Variants in GALNT15 observed in about 807,000 individuals in gnomAD.
GALNT15 encodes the protein UDP-GalNAc transferase T15.
Under a neutral mutation model 66.8 loss-of-function variants are expected in GALNT15, and 67 were observed. The ratio of observed to expected loss-of-function variants is 1.00; its 90% CI spans 0.82 to 1.23. GALNT15 has a LOEUF of 1.23. Ranked by LOEUF, GALNT15 falls within the 50% of genes most tolerant of loss-of-function variation. GALNT15 has a pLI of 0.00. For synonymous variants in GALNT15, 313 were observed against 311.5 expected, an observed-to-expected ratio of 1.00 and a Z score of -0.05; for missense variants, 827 against 804.3, an observed-to-expected ratio of 1.03 and a Z score of -0.34.
At position 16,227,461 on chromosome 3, in the gene GALNT15, G is replaced by A; in HGVS notation, c.1881G>A (p.Gln627=). The A allele has an allele frequency of 3.7e-6, 6 of 1,614,184 alleles. No homozygotes were observed. Among genetic ancestry groups the A allele is most frequent in the Admixed American group, 3.3e-5 (2 of 60,008 alleles). Residue 627 remains glutamine (Q), a synonymous_variant, in exon 10 of 10, where the codon CAG becomes CAA. Coordinates refer to ENST00000339732, the MANE Select transcript of GALNT15 (RefSeq NM_054110.5). This position sits in a 1 kb window ranked among gnomAD's most constrained non-coding sequence, Gnocchi z 4.5. The part of the protein sequence containing the change: ...LRPCDGKARQ[Q]WRFDQINAVD... ...CGTGTGATGGAAAAGCCCGCCAGCA[G>A]TGGCGTTTTGACCAGATCAATGCTG...
downstream of GALNT15, among the ~76,000 whole-genome samples, chr3:16,233,428 C>T (rs767138533): frequency 2.6e-5 from 4 of 152,070 alleles, no homozygotes; most frequent in East Asian, 5.8e-4. Context: ...TAATAACAAC[C>T]GTTGTTAATT....
chr3:16,226,782 A>G (rs1178730875), intron 9 of GALNT15, among the ~76,000 whole-genome samples: 1 of 152,252 alleles, frequency 6.6e-6, no homozygotes, highest in Non-Finnish European at 1.5e-5. Context: ...TTGCTGGTTA[A>G]GGTTGTTCAA....
Position 16,227,413 on chromosome 3 carries a change from C to A in GALNT15, c.1833C>A (p.Asn611Lys), listed in dbSNP as rs545197381. ...GKCMEAVVQE[N>K]NKDLYLRPCD... ...GCATGGAAGCTGTGGTGCAAGAAAA[C>A]AATAAAGATTTGTACCTGCGTCCGT... The change falls in exon 10 of 10, where the codon AAC becomes AAA. Residue 611 changes from asparagine (N) to lysine (K), a missense_variant. By Grantham distance (94) the Asn-to-Lys change is moderately conservative (BLOSUM62 0). Coordinates refer to ENST00000339732, the MANE Select transcript of GALNT15 (RefSeq NM_054110.5). The surrounding 1 kb of genome is among the most constrained non-coding windows in gnomAD (Gnocchi z 4.5). 6 of 1,613,972 alleles carry A rather than the reference C, an allele frequency of 3.7e-6. No individual in the cohort carries two copies. In the African/African-American group the frequency reaches 6.7e-5, roughly 18 times the overall value.
chr3:16,240,937 C>T, the GALNT15 span, among the ~76,000 whole-genome samples: 2 of 152,134 alleles, frequency 1.3e-5, no homozygotes, highest in East Asian at 1.9e-4. Flanking sequence ...TTGTAGTTCC[C>T]AATACAACAC....
At chr3:16,212,957 G>T (rs1190941187) in intron 6 of GALNT15, among the ~76,000 whole-genome samples, 194 bp downstream of exon 6, 1 of 152,128 alleles carries the variant, frequency 6.6e-6, no homozygotes, top group Non-Finnish European at 1.5e-5. Context: ...TTCTCCATGG[G>T]ACAGCACAGC....
In GALNT15 at chr3:16,211,078, G is replaced by GC. The variant is rs751564880; in HGVS notation, c.1080-45dup. 3 of 1,427,460 alleles carry GC rather than the reference G, an allele frequency of 2.1e-6. No homozygotes were observed. 88.4% of individuals were successfully genotyped at this position (1,427,460 alleles called of 1,614,324 possible). Reference sequence around the variant, plus strand: ...CCCAGCCCCCAGCCTCGCCTGCTGTGCTCTGGGTTCTGAACTGCAGTGTCC... The same window carrying GC: ...CCCAGCCCCCAGCCTCGCCTGCTGTGCCTCTGGGTTCTGAACTGCAGTGTCC... On this transcript the variant is annotated intron_variant, in intron 4 of 9. Transcript: ENST00000339732. The surrounding 1 kb of genome is among the most constrained non-coding windows in gnomAD (Gnocchi z 4.3).
downstream of GALNT15, among the ~76,000 whole-genome samples, chr3:16,234,958 C>T (rs968017343): frequency 4.0e-5 from 6 of 149,860 alleles, no homozygotes; most frequent in East Asian, 3.9e-4. Context: ...AGTCTCACTC[C>T]GTTGCCCAGG....
intron 3 of GALNT15, among the ~76,000 whole-genome samples, chr3:16,207,898 G>C (rs938395114): frequency 1.3e-5 from 2 of 152,176 alleles, no homozygotes; most frequent in South Asian, 2.1e-4. Flanking sequence ...GCTGAGAAAG[G>C]CCTTTGTGGG....
chr3:16,228,206 A>C lies in GALNT15; in HGVS notation c.*706A>C. On this transcript the variant is annotated 3_prime_UTR_variant, in exon 10 of 10. Coordinates refer to ENST00000339732, the MANE Select transcript of GALNT15 (RefSeq NM_054110.5). ...TCCTTCCTACTGAGAATCTACCTCT[A>C]TTCCCCCTGCCCTAGCTCTTCTCTA... is the stretch of plus-strand genomic sequence containing the variant. 1.0e-5 allele frequency: 10 copies of C among 985,954 alleles called. No homozygotes were observed. Among genetic ancestry groups the C allele is most frequent in the Non-Finnish European group, 1.2e-5 (10 of 830,004 alleles). The allele number at this position is 985,954 out of a possible 1,614,324, so 61.1% of individuals were successfully genotyped here.
intron 6 of GALNT15, among the ~76,000 whole-genome samples, chr3:16,216,138 C>A (rs1265745470): frequency 6.6e-6 from 1 of 152,098 alleles, no homozygotes; most frequent in Non-Finnish European, 1.5e-5. Context: ...CAACCTTTGG[C>A]TCTTGTTATC....
intron 1 of GALNT15, among the ~76,000 whole-genome samples, chr3:16,177,181 C>A (rs2063419287): frequency 6.6e-6 from 1 of 152,202 alleles, no homozygotes; most frequent in Admixed American, 6.5e-5. Context: ...CATCCCAAAG[C>A]CCAACATGCA....
rs1376913424 is a variant in GALNT15, at chr3:16,184,037, C to G, written c.539+8347C>G. ...ATTATCCCTTTCAATCCAGGACACACCCCTGGGCTGGAGAAAGGTATCAAC... is the reference window on the plus strand; with the variant it reads ...ATTATCCCTTTCAATCCAGGACACAGCCCTGGGCTGGAGAAAGGTATCAAC... On this transcript the variant is annotated intron_variant, in intron 1 of 9. Transcript: ENST00000339732. This position sits in a 1 kb window ranked among gnomAD's most constrained non-coding sequence, Gnocchi z 5.0. Among the ~76,000 whole-genome samples, 1 of 152,158 alleles carries G rather than the reference C, an allele frequency of 6.6e-6. No homozygotes were observed. Among genetic ancestry groups the G allele is most frequent in the Non-Finnish European group, 1.5e-5 (1 of 68,028 alleles).
intron 9 of GALNT15, among the ~76,000 whole-genome samples, chr3:16,223,645 C>T (rs953930689): frequency 1.3e-5 from 2 of 151,294 alleles, no homozygotes; most frequent in Non-Finnish European, 1.5e-5. Context: ...GCTTTGGTGA[C>T]CAACTGAAGG....
At chr3:16,221,335 A>G (rs1400096399) in intron 8 of GALNT15, among the ~76,000 whole-genome samples, 3 of 149,866 alleles carry the variant, frequency 2.0e-5, no homozygotes, top group Non-Finnish European at 3.0e-5. Context: ...GCCTTTCCCT[A>G]TAAACACCTA....
At chr3:16,241,485 C>A in the GALNT15 span, among the ~76,000 whole-genome samples, 2 of 152,190 alleles carry the variant, frequency 1.3e-5, no homozygotes, top group African/African-American at 4.8e-5. The surrounding 1 kb of genome is among the most constrained non-coding windows in gnomAD (Gnocchi z 4.6). Context: ...CTGCACTGTT[C>A]CAGTTATCTT....
At chr3:16,233,111 T>TTTTTTTTTTTTTTTC (rs1219622222), downstream of GALNT15, among the ~76,000 whole-genome samples, 1 of 136,756 alleles carries the variant, frequency 7.3e-6, no homozygotes, top group Non-Finnish European at 1.6e-5. Flanking sequence ...TTTTTTTTTT[T>TTTTTTTTTTTTTTTC]TTGAAACGGA....
chr3:16,216,084 G>A (rs2063872960), intron 6 of GALNT15, among the ~76,000 whole-genome samples: 1 of 152,072 alleles, frequency 6.6e-6, no homozygotes, highest in Admixed American at 6.6e-5. Flanking sequence ...ATTTATTGGT[G>A]GAATGGAATG....
At chr3:16,218,810 C>CTTTTTTTTTTTTTTT (rs10538222) in intron 6 of GALNT15, among the ~76,000 whole-genome samples, 1 of 92,920 alleles carries the variant, frequency 1.1e-5, no homozygotes, top group Non-Finnish European at 2.0e-5. Context: ...CTCTCTCTCT[C>CTTTTTTTTTTTTTTT]TTTTTTTTTT....
At chr3:16,217,260 G>T (rs531339480) in intron 6 of GALNT15, among the ~76,000 whole-genome samples, 1 of 152,168 alleles carries the variant, frequency 6.6e-6, no homozygotes, top group African/African-American at 2.4e-5. Context: ...ATATCCATTT[G>T]GGTGTCCATT....
Sources: allele counts gnomAD v4.1 joint callset (sites outside exome capture counted in the v4.1 genomes callset), GRCh38; gene constraint gnomAD v4.1.1; non-coding constraint Gnocchi (gnomAD v3.1); transcripts MANE v1.5; gene names NCBI Gene and HGNC (gene_info 2026-07-23, HGNC 2026-07-21).